Variants in MLLT10 observed in about 807,000 individuals in gnomAD.
The protein encoded by MLLT10 is MLLT10 histone lysine methyltransferase DOT1L cofactor, also known as protein AF-10.
A neutral mutation model predicts 129.1 loss-of-function variants in MLLT10; 30 were observed. The ratio of observed to expected loss-of-function variants is 0.23; its 90% CI spans 0.17 to 0.32. The LOEUF (loss-of-function observed/expected upper bound fraction) is 0.32. Among genes scored for constraint, MLLT10 ranks in the 10% least tolerant of loss-of-function variants. The pLI is 1.00. For missense variants in MLLT10, 1,119 were observed against 1,268.3 expected, an observed-to-expected ratio of 0.88 and a Z score of 1.79; for synonymous variants, 490 against 446.4, an observed-to-expected ratio of 1.10 and a Z score of -1.23.
chr10:21,536,104 G>A (rs1366439055), intron 2 of MLLT10, among the ~76,000 whole-genome samples: 1 of 152,106 alleles, frequency 6.6e-6, no homozygotes, highest in Non-Finnish European at 1.5e-5. Context: ...TAGCACACCG[G>A]CTAATTTGTA....
chr10:21,692,071 G>A (rs940730011), intron 13 of MLLT10, among the ~76,000 whole-genome samples: 2 of 151,438 alleles, frequency 1.3e-5, no homozygotes, highest in Non-Finnish European at 2.9e-5. Flanking sequence ...GTACTTGTGA[G>A]GCTGAGGCAT....
At chr10:21,647,707 G>A (rs986684318) in intron 8 of MLLT10, among the ~76,000 whole-genome samples, 6 of 151,160 alleles carry the variant, frequency 4.0e-5, no homozygotes, top group Admixed American at 1.3e-4. Flanking sequence ...TGCGGGGGGC[G>A]GGGGGATTGC....
chr10:21,609,909 A>G (rs2044430153), intron 5 of MLLT10, among the ~76,000 whole-genome samples: 1 of 152,082 alleles, frequency 6.6e-6, no homozygotes, highest in South Asian at 2.1e-4. Flanking sequence ...ACATACACAG[A>G]TTGTGAATTC....
intron 14 of MLLT10, among the ~76,000 whole-genome samples, chr10:21,722,871 G>GA (rs2057231103): frequency 6.6e-6 from 1 of 152,146 alleles, no homozygotes; most frequent in Non-Finnish European, 1.5e-5. Context: ...ACCTTAAAAT[G>GA]ATGACGTTCA....
chr10:21,700,430 C>G lies in MLLT10; in HGVS notation c.1700-13342C>G, dbSNP rs2054800662. ...AATAAGAGTTGTGAAGGTGGGTGTT[C>G]TTGTTTTGTTTTAGGTCTTAGAGGA... On this transcript the variant is annotated intron_variant, in intron 13 of 22. Transcript: ENST00000307729. 2.0e-5 allele frequency among the ~76,000 whole-genome samples: 3 copies of G among 151,966 alleles called. No individual in the cohort carries two copies. The South Asian group carries it at 6.2e-4, about 31-fold the overall frequency.
At chr10:21,577,216 A>T (rs1013849476) in intron 3 of MLLT10, among the ~76,000 whole-genome samples, 1 of 152,210 alleles carries the variant, frequency 6.6e-6, no homozygotes, top group African/African-American at 2.4e-5. Context: ...TTTGTTGTCA[A>T]ATAATATTCT....
At chr10:21,645,988 T>G (rs182346666) in intron 8 of MLLT10, among the ~76,000 whole-genome samples, 50 of 152,284 alleles carry the variant, frequency 3.3e-4, no homozygotes, top group Non-Finnish European at 4.6e-4. Context: ...GCAGATCACT[T>G]GAGGCCCGGA....
chr10:21,677,691 A>T (rs983979745), intron 11 of MLLT10, among the ~76,000 whole-genome samples: 1 of 152,222 alleles, frequency 6.6e-6, no homozygotes, highest in Admixed American at 6.5e-5. Context: ...GAATCCCCAG[A>T]TGTGGAATCC....
chr10:21,720,904 G>A (rs895400487), intron 14 of MLLT10, among the ~76,000 whole-genome samples: 3 of 152,148 alleles, frequency 2.0e-5, no homozygotes, highest in African/African-American at 7.2e-5. Context: ...TTCCTATGAG[G>A]TAGATACTGT....
At chr10:21,583,163 C>G (rs558331910) in intron 3 of MLLT10, among the ~76,000 whole-genome samples, 51 of 152,150 alleles carry the variant, frequency 3.4e-4, no homozygotes, top group Admixed American at 1.0e-3. Context: ...GAGTGAGACT[C>G]CATCTCAAAA....
intron 4 of MLLT10, among the ~76,000 whole-genome samples, chr10:21,588,319 G>A (rs776078335): frequency 1.9e-4 from 29 of 151,994 alleles, no homozygotes; most frequent in Non-Finnish European, 3.7e-4. Context: ...CTACTGCCTC[G>A]GCCTTCCAAA....
At chr10:21,585,691 G>T (rs765606298) in intron 3 of MLLT10, among the ~76,000 whole-genome samples, 8 of 152,018 alleles carry the variant, frequency 5.3e-5, no homozygotes, top group Admixed American at 3.3e-4. Context: ...TTTTTCTCCC[G>T]CTCCCCAGGT....
intron 8 of MLLT10, among the ~76,000 whole-genome samples, chr10:21,622,123 G>GTTTGT (rs56028629): frequency 0.01 from 1,423 of 142,002 alleles, 12 homozygotes; most frequent in Non-Finnish European, 0.017. Flanking sequence ...ATAAGGGATA[G>GTTTGT]TTTGTTTTTT....
chr10:21,718,597 TC>T (rs2131538142), intron 14 of MLLT10, among the ~76,000 whole-genome samples: 1 of 152,360 alleles, frequency 6.6e-6, no homozygotes, highest in South Asian at 2.1e-4. Context: ...AATCATGGCT[TC>T]TTGTCTATCC....
chr10:21,636,816 T>C (rs1249410497), intron 8 of MLLT10, among the ~76,000 whole-genome samples: 1 of 152,176 alleles, frequency 6.6e-6, no homozygotes, highest in Non-Finnish European at 1.5e-5. Flanking sequence ...GGTAGTGTTG[T>C]TGACAGCTTG....
chr10:21,686,680 A>G (rs2053323060), intron 13 of MLLT10, among the ~76,000 whole-genome samples: 1 of 152,144 alleles, frequency 6.6e-6, no homozygotes, highest in South Asian at 2.1e-4. Flanking sequence ...CTATGACTGT[A>G]AATATATAAT....
intron 14 of MLLT10, among the ~76,000 whole-genome samples, chr10:21,715,299 A>G (rs973646543): frequency 1.3e-5 from 2 of 152,222 alleles, no homozygotes; most frequent in African/African-American, 4.8e-5. Context: ...CAGAAAAGCA[A>G]TGGCATGATT....
At chr10:21,607,215 G>T (rs1199608985) in intron 5 of MLLT10, among the ~76,000 whole-genome samples, 1 of 151,884 alleles carries the variant, frequency 6.6e-6, no homozygotes, top group Admixed American at 6.5e-5. Flanking sequence ...CTCCTGTAAA[G>T]CTCCATTGCC....
intron 22 of MLLT10, among the ~76,000 whole-genome samples, chr10:21,741,367 T>C (rs918137430): frequency 6.6e-6 from 1 of 152,214 alleles, no homozygotes; most frequent in African/African-American, 2.4e-5. Context: ...ATGTATTTAA[T>C]GGAAAATCAC....
Sources: gnomAD v4.1 joint callset for allele counts (sites outside exome capture counted in the v4.1 genomes callset) on GRCh38, gnomAD v4.1.1 for gene constraint, MANE v1.5 for transcripts, NCBI Gene and HGNC (gene_info 2026-07-23, HGNC 2026-07-21) for gene names.